Variants in BFAR observed in about 807,000 individuals in gnomAD.
The protein encoded by BFAR is RING finger protein 47.
A neutral mutation model predicts 54.4 loss-of-function variants in BFAR; 52 were observed. The ratio of observed to expected loss-of-function variants is 0.96; its 90% CI spans 0.77 to 1.21. The LOEUF is 1.21. Among genes scored for constraint, BFAR ranks in the 50% most tolerant of loss-of-function variants. The pLI is 0.00. For synonymous variants in BFAR, 215 were observed against 204.3 expected (o/e 1.05, Z -0.45); for missense variants, 571 against 534.0 (o/e 1.07, Z -0.68).
At position 14,655,034 on chromosome 16, in the gene BFAR, C is replaced by T. The variant is rs748978734; in HGVS notation, c.639-32C>T. On this transcript the variant is annotated intron_variant, in intron 4 of 7. Coordinates refer to ENST00000261658, the MANE Select transcript of BFAR (RefSeq NM_016561.3). ...AGAGAGTTTGCTTCCAGTATATAATCGCAAAATAAATCTCCTCCTGCCCCT... is the reference window on the plus strand; with the variant it reads ...AGAGAGTTTGCTTCCAGTATATAATTGCAAAATAAATCTCCTCCTGCCCCT... 7 of 1,575,040 alleles carry T rather than the reference C, an allele frequency of 4.4e-6. No homozygotes were observed. The East Asian group carries it at 1.1e-4, about 26-fold the overall frequency.
In BFAR at chr16:14,662,078, A is replaced by G; in HGVS notation, c.957+13A>G. The G allele has an allele frequency of 6.2e-7, 1 of 1,613,696 alleles. No individual in the cohort carries two copies. The highest frequency in any genetic ancestry group is 8.5e-7 in the Non-Finnish European group (1 of 1,179,678). Reference sequence around the variant, plus strand: ...CACCAAGCTTCTGGTAGGTCTGCACAGTGCCTGGAATAAAGTTATTCCACT... The same window carrying G: ...CACCAAGCTTCTGGTAGGTCTGCACGGTGCCTGGAATAAAGTTATTCCACT... On this transcript the variant is annotated intron_variant, in intron 6 of 7. Transcript: ENST00000261658.
At chr16:14,662,477 C>A (rs1960317897) in intron 6 of BFAR, among the ~76,000 whole-genome samples, 1 of 152,152 alleles carries the variant, frequency 6.6e-6, no homozygotes. Flanking sequence ...TTGCTGTTTA[C>A]CTCACCAGAC....
chr16:14,658,970 C>G (rs1161598647), intron 5 of BFAR, among the ~76,000 whole-genome samples: 1 of 151,340 alleles, frequency 6.6e-6, no homozygotes, highest in Non-Finnish European at 1.5e-5. Context: ...TGCAATGGCG[C>G]GATCTCAGCT....
rs754542267 is a variant in BFAR, at chr16:14,661,912, C to T, written c.804C>T (p.Ser268=). 1.2e-5 allele frequency: 19 copies of T among 1,614,028 alleles called. No individual in the cohort carries two copies. The highest frequency in any genetic ancestry group is 1.5e-5 in the Non-Finnish European group (18 of 1,180,046). Residue 268 remains serine (S), a synonymous_variant, in exon 6 of 8, where the codon TCC becomes TCT. Transcript: ENST00000261658. ...WEYKAVNPGR[S]LFLLYALKSS... ...TGCAGGCTGTGAACCCAGGCAGGTC[C>T]CTGTTCCTGCTATACGCCCTCAAGA...
At chr16:14,643,583 A>G (rs924426995) in intron 1 of BFAR, among the ~76,000 whole-genome samples, 23 of 152,168 alleles carry the variant, frequency 1.5e-4, no homozygotes, top group Admixed American at 9.2e-4. Context: ...AGCCTGGGCA[A>G]TGTGGCGAAA....
intron 1 of BFAR, among the ~76,000 whole-genome samples, chr16:14,637,435 C>T (rs1337469218): frequency 6.6e-6 from 1 of 152,000 alleles, no homozygotes; most frequent in Non-Finnish European, 1.5e-5. Context: ...CATGGCTCTG[C>T]CCTTTACTAG....
At chr16:14,664,010 G>A (rs1960365833) in intron 6 of BFAR, among the ~76,000 whole-genome samples, 1 of 152,126 alleles carries the variant, frequency 6.6e-6, no homozygotes, top group Admixed American at 6.6e-5. Context: ...GGGAGGCAGA[G>A]GCGGGCAAAT....
chr16:14,664,588 A>G (rs1039165583), intron 6 of BFAR, among the ~76,000 whole-genome samples: 2 of 151,888 alleles, frequency 1.3e-5, no homozygotes, highest in African/African-American at 4.8e-5. Context: ...CAACCTGCAC[A>G]TCCCGGGTTC....
chr16:14,636,474 T>G (rs1959445573), intron 1 of BFAR, among the ~76,000 whole-genome samples: 1 of 152,216 alleles, frequency 6.6e-6, no homozygotes, highest in South Asian at 2.1e-4. Flanking sequence ...CATAAACATC[T>G]CAATGCCTTA....
chr16:14,635,095 G>C (rs1339081436), intron 1 of BFAR, among the ~76,000 whole-genome samples: 2 of 152,226 alleles, frequency 1.3e-5, no homozygotes, highest in African/African-American at 4.8e-5. Context: ...TGCACTTTGG[G>C]ATGCCAAGGC....
Position 14,651,356 on chromosome 16 carries a change from C to G in BFAR, c.638+1383C>G, listed in dbSNP as rs1959961295. ...TGCAAAAGATACAGATAAAGAGACA[C>G]TTAGGGCAAGGTATGGGGGAAGGGG... On this transcript the variant is annotated intron_variant, in intron 4 of 7. Coordinates refer to ENST00000261658, the MANE Select transcript of BFAR (RefSeq NM_016561.3). Among the ~76,000 whole-genome samples, 3 of 152,192 alleles carry G rather than the reference C, an allele frequency of 2.0e-5. No homozygotes were observed. The South Asian group carries it at 6.2e-4, about 32-fold the overall frequency.
chr16:14,653,971 G>T (rs1425062656), intron 4 of BFAR, among the ~76,000 whole-genome samples: 5 of 151,222 alleles, frequency 3.3e-5, no homozygotes, highest in Non-Finnish European at 7.4e-5. Flanking sequence ...AAAGTACTGG[G>T]ATTATAGGTG....
intron 1 of BFAR, among the ~76,000 whole-genome samples, chr16:14,639,262 A>C (rs1478549688): frequency 6.6e-6 from 1 of 151,910 alleles, no homozygotes; most frequent in Non-Finnish European, 1.5e-5. Context: ...CCCAAAGTCC[A>C]GGGAAGAATA....
chr16:14,633,042 G>A (rs912193153), intron 1 of BFAR, 24 bp downstream of exon 1: 7 of 152,986 alleles, frequency 4.6e-5, no homozygotes, highest in Admixed American at 3.3e-4. Flanking sequence ...CGGCTGGGGG[G>A]TGCTGAGGGG....
intron 1 of BFAR, among the ~76,000 whole-genome samples, chr16:14,640,171 A>G (rs1220227655): frequency 6.6e-6 from 1 of 151,314 alleles, no homozygotes; most frequent in African/African-American, 2.4e-5. Flanking sequence ...AAAAAGAAGA[A>G]GAGAGAGAGA....
At chr16:14,651,727 G>A (rs899488851) in intron 4 of BFAR, among the ~76,000 whole-genome samples, 2 of 151,782 alleles carry the variant, frequency 1.3e-5, no homozygotes, top group Non-Finnish European at 2.9e-5. Flanking sequence ...CAATCCACCC[G>A]CCTGAGCTTC....
chr16:14,652,175 C>T lies in BFAR; in HGVS notation c.638+2202C>T, dbSNP rs1049239180. On this transcript the variant is annotated intron_variant, in intron 4 of 7. Transcript: ENST00000261658. ...TGCTGGAATTATAGGCGTGAGCCAC[C>T]GTGCTAGGCCTCCAACATTCTAACA... is the stretch of plus-strand genomic sequence containing the variant. Among the ~76,000 whole-genome samples the T allele has an allele frequency of 7.2e-5, 11 of 151,884 alleles. No homozygotes were observed. In the East Asian group the frequency reaches 1.2e-3, roughly 16 times the overall value.
chr16:14,641,950 T>C (rs1053830479), intron 1 of BFAR, among the ~76,000 whole-genome samples: 1 of 152,156 alleles, frequency 6.6e-6, no homozygotes, highest in African/African-American at 2.4e-5. Context: ...TGACTCGAAT[T>C]CTCTTCTTTA....
At chr16:14,666,789 T>A (rs778834388) in intron 7 of BFAR, among the ~76,000 whole-genome samples, 29 of 152,196 alleles carry the variant, frequency 1.9e-4, no homozygotes, top group Non-Finnish European at 3.7e-4. Flanking sequence ...AACTCACTTA[T>A]TTATATACAA....
Sources: gnomAD v4.1 joint callset for allele counts (sites outside exome capture counted in the v4.1 genomes callset) on GRCh38, gnomAD v4.1.1 for gene constraint, MANE v1.5 for transcripts, NCBI Gene and HGNC (gene_info 2026-07-23, HGNC 2026-07-21) for gene names.